The following OPCML variants were observed in gnomAD, a reference collection of about 807,000 sequenced individuals.
OPCML encodes the protein opioid-binding protein/cell adhesion molecule.
OPCML carries 13 observed loss-of-function variants against 37.8 expected under a neutral mutation model. The observed-to-expected ratio is 0.34, with a 90% CI of 0.22 to 0.55. OPCML has a LOEUF of 0.55. Among genes scored for constraint, OPCML ranks in the 20% least tolerant of loss-of-function variants. The probability of loss-of-function intolerance (pLI) is 0.91; values close to 1 mark genes in which losing one functional copy is unlikely to be tolerated. For missense variants in OPCML, 341 were observed against 435.6 expected, an observed-to-expected ratio of 0.78 and a Z score of 1.93; for synonymous variants, 176 against 168.8, an observed-to-expected ratio of 1.04 and a Z score of -0.33.
chr11:133,520,031 T>C (rs1354432814), intron 1 of OPCML, among the ~76,000 whole-genome samples: 1 of 152,056 alleles, frequency 6.6e-6, no homozygotes, highest in Non-Finnish European at 1.5e-5. Context: ...TATTAAGACA[T>C]AATGAAGAAT....
rs1939407871 is a variant in OPCML at position 132,621,520 on chromosome 11, T to A, written c.379+35567A>T. Among the ~76,000 whole-genome samples the A allele has an allele frequency of 1.3e-5, 2 of 152,188 alleles. 1 individual carries two copies. Among genetic ancestry groups the A allele is most frequent in the South Asian group, 4.1e-4 (2 of 4,824 alleles). On this transcript the variant is annotated intron_variant, in intron 3 of 7. Transcript: ENST00000524381. Reference sequence around the variant, plus strand: ...GCATGGAAGGATATCACAGATATTATGTTGAGTGAAGGAAGCTGCACACAA... The same window carrying A: ...GCATGGAAGGATATCACAGATATTAAGTTGAGTGAAGGAAGCTGCACACAA...
intron 2 of OPCML, among the ~76,000 whole-genome samples, chr11:132,835,231 T>C (rs1940941655): frequency 1.3e-5 from 2 of 152,196 alleles, no homozygotes; most frequent in African/African-American, 4.8e-5. Flanking sequence ...GCCATGCCTT[T>C]CTCCTGGGCA....
At chr11:132,620,081 A>T (rs2137909870) in intron 3 of OPCML, among the ~76,000 whole-genome samples, 1 of 152,306 alleles carries the variant, frequency 6.6e-6, no homozygotes, top group African/African-American at 2.4e-5. Flanking sequence ...GAGAAGAAAA[A>T]TCAATACTGT....
intron 1 of OPCML, among the ~76,000 whole-genome samples, chr11:133,329,521 A>G (rs1224509521): frequency 2.6e-5 from 4 of 152,218 alleles, no homozygotes; most frequent in Non-Finnish European, 5.9e-5. Flanking sequence ...GTCCTCAGAA[A>G]TAATGCCGCA....
chr11:132,729,511 T>G (rs1489999511), intron 2 of OPCML, among the ~76,000 whole-genome samples: 1 of 152,176 alleles, frequency 6.6e-6, no homozygotes, highest in Non-Finnish European at 1.5e-5. Context: ...GTTACTCCAG[T>G]AGCTGTGTAT....
chr11:132,950,481 T>C (rs558549503), intron 1 of OPCML, among the ~76,000 whole-genome samples: 14 of 152,252 alleles, frequency 9.2e-5, no homozygotes, highest in African/African-American at 3.4e-4. Context: ...AATTGAAGAA[T>C]GAATAAAGAG....
intron 1 of OPCML, among the ~76,000 whole-genome samples, chr11:133,190,343 T>G (rs1457758193): frequency 4.6e-5 from 7 of 152,238 alleles, no homozygotes; most frequent in Non-Finnish European, 1.0e-4. Context: ...AGAAGGGAAT[T>G]GATGCCTATC....
intron 2 of OPCML, among the ~76,000 whole-genome samples, chr11:132,753,895 A>T (rs1945935209): frequency 6.6e-6 from 1 of 152,294 alleles, no homozygotes; most frequent in South Asian, 2.1e-4. Context: ...TCTTCCTGGG[A>T]TCTGTTACCA....
At chr11:133,326,628 G>T (rs1943465787) in intron 1 of OPCML, among the ~76,000 whole-genome samples, 1 of 136,326 alleles carries the variant, frequency 7.3e-6, no homozygotes, top group African/African-American at 2.7e-5. Context: ...AGTGTGGGTG[G>T]GTGTATGTGG....
intron 1 of OPCML, among the ~76,000 whole-genome samples, chr11:133,070,569 C>G (rs561845812): frequency 7.2e-5 from 11 of 152,170 alleles, no homozygotes; most frequent in Non-Finnish European, 1.3e-4. Context: ...CTTTCAGAGC[C>G]TATGAAGAGA....
intron 1 of OPCML, among the ~76,000 whole-genome samples, chr11:133,493,420 A>G (rs1267429786): frequency 1.3e-5 from 2 of 152,248 alleles, no homozygotes; most frequent in African/African-American, 4.8e-5. Context: ...GTTCAGTCAC[A>G]TGGGTGCATA....
chr11:133,522,870 T>C (rs1297716867), intron 1 of OPCML, among the ~76,000 whole-genome samples: 1 of 152,168 alleles, frequency 6.6e-6, no homozygotes, highest in Non-Finnish European at 1.5e-5. Context: ...AATAAATTAC[T>C]GCAATTTAAA....
chr11:133,252,450 A>G (rs1191703564), intron 1 of OPCML, among the ~76,000 whole-genome samples: 1 of 152,150 alleles, frequency 6.6e-6, no homozygotes, highest in Non-Finnish European at 1.5e-5. Flanking sequence ...GCGTTCTTGT[A>G]AATTAATCTG....
chr11:133,092,423 G>C (rs1287218740), intron 1 of OPCML, among the ~76,000 whole-genome samples: 1 of 152,090 alleles, frequency 6.6e-6, no homozygotes, highest in Non-Finnish European at 1.5e-5. Context: ...GTCAATCACA[G>C]AATAAAACTC....
intron 1 of OPCML, among the ~76,000 whole-genome samples, chr11:133,252,362 A>T (rs1941162098): frequency 6.6e-6 from 1 of 152,170 alleles, no homozygotes; most frequent in African/African-American, 2.4e-5. Context: ...CGGGTAAAGT[A>T]TTCTAGGGAG....
intron 2 of OPCML, among the ~76,000 whole-genome samples, chr11:132,747,052 T>C (rs1945658024): frequency 6.6e-6 from 1 of 152,158 alleles, no homozygotes; most frequent in Non-Finnish European, 1.5e-5. Context: ...AAGATGCATG[T>C]AGGGTAATAA....
At chr11:132,668,038 G>T (rs1450990187) in intron 2 of OPCML, among the ~76,000 whole-genome samples, 1 of 152,192 alleles carries the variant, frequency 6.6e-6, no homozygotes, top group Non-Finnish European at 1.5e-5. Flanking sequence ...AAATAGTGAA[G>T]ATAGGAGGGG....
chr11:132,874,605 C>G (rs1323765041), intron 2 of OPCML, among the ~76,000 whole-genome samples: 1 of 152,132 alleles, frequency 6.6e-6, no homozygotes, highest in Non-Finnish European at 1.5e-5. Flanking sequence ...GCTGTTGCCC[C>G]TGGGTCTTTA....
intron 2 of OPCML, among the ~76,000 whole-genome samples, chr11:132,780,591 G>T (rs1018319838): frequency 6.6e-6 from 1 of 152,134 alleles, no homozygotes; most frequent in Non-Finnish European, 1.5e-5. Flanking sequence ...CCATGAGTCC[G>T]CAGGTTTGAA....
Sources: gnomAD v4.1 joint callset for allele counts (sites outside exome capture counted in the v4.1 genomes callset) on GRCh38, gnomAD v4.1.1 for gene constraint, MANE v1.5 for transcripts, NCBI Gene and HGNC (gene_info 2026-07-23, HGNC 2026-07-21) for gene names.